RIT2: variants seen among roughly 807,000 people sequenced by gnomAD.
RIT2 encodes the protein Ras like without CAAX 2.
RIT2 carries 24 observed loss-of-function variants against 23.7 expected under a neutral mutation model. That is an observed-to-expected ratio of 1.01 (90% CI 0.73 to 1.43). The LOEUF is 1.43. Ranked by LOEUF, RIT2 falls within the 40% of genes most tolerant of loss-of-function variation. The pLI, the probability that RIT2 is intolerant of heterozygous loss-of-function variation, is 0.00. For synonymous variants in RIT2, 107 were observed against 91.1 expected (o/e 1.17, Z -0.99); for missense variants, 236 against 266.9 (o/e 0.88, Z 0.81).
chr18:42,816,982 G>A (rs186557145), intron 4 of RIT2, among the ~76,000 whole-genome samples: 1,603 of 152,190 alleles, frequency 0.011, 15 homozygotes, highest in South Asian at 0.018. Flanking sequence ...TAGGGTCTGA[G>A]AATCTGCATT....
At chr18:43,106,350 G>T (rs1404124461) in intron 1 of RIT2, among the ~76,000 whole-genome samples, 3 of 152,194 alleles carry the variant, frequency 2.0e-5, no homozygotes, top group Non-Finnish European at 2.9e-5. Flanking sequence ...CTGGTAAAGT[G>T]TCTAAGGACT....
intron 1 of RIT2, among the ~76,000 whole-genome samples, chr18:43,038,836 T>C (rs890051022): frequency 6.6e-6 from 1 of 152,176 alleles, no homozygotes; most frequent in Non-Finnish European, 1.5e-5. Flanking sequence ...TCTGTTTCTA[T>C]GCATTACATA....
intron 4 of RIT2, among the ~76,000 whole-genome samples, chr18:42,879,548 T>C (rs1907833967): frequency 6.6e-6 from 1 of 152,172 alleles, no homozygotes; most frequent in African/African-American, 2.4e-5. Context: ...TTTGTTTTTG[T>C]TTTCTCTTTC....
intron 2 of RIT2, 149 bp downstream of exon 2, chr18:43,033,662 T>C: frequency 1.7e-6 from 1 of 604,406 alleles, no homozygotes; most frequent in East Asian, 2.9e-5. Context: ...GCTTCTGTTG[T>C]GGTACGTTAC....
chr18:42,938,783 G>C (rs2144155171), intron 3 of RIT2, among the ~76,000 whole-genome samples: 1 of 152,170 alleles, frequency 6.6e-6, no homozygotes, highest in East Asian at 1.9e-4. Context: ...CTCTTGCCCA[G>C]GGTGGAGTAG....
chr18:42,922,067 AC>A (rs923968288), intron 4 of RIT2, among the ~76,000 whole-genome samples: 2 of 152,166 alleles, frequency 1.3e-5, no homozygotes, highest in African/African-American at 4.8e-5. Context: ...GAAGAGATGA[AC>A]AAATATTACA....
At chr18:43,022,793 C>T (rs1159919110) in intron 2 of RIT2, among the ~76,000 whole-genome samples, 2 of 151,946 alleles carry the variant, frequency 1.3e-5, no homozygotes, top group Non-Finnish European at 2.9e-5. Context: ...TAACATGAGT[C>T]AGAATATTGA....
At chr18:42,815,263 A>G (rs1425089646) in intron 4 of RIT2, among the ~76,000 whole-genome samples, 1 of 152,194 alleles carries the variant, frequency 6.6e-6, no homozygotes, top group Non-Finnish European at 1.5e-5. Flanking sequence ...AACAGATAGC[A>G]TCAATAAAGA....
chr18:42,808,015 C>T (rs911506375), intron 4 of RIT2, among the ~76,000 whole-genome samples: 3 of 152,168 alleles, frequency 2.0e-5, no homozygotes, highest in African/African-American at 4.8e-5. Flanking sequence ...CCCCGCAGAT[C>T]CTAATGAGCT....
chr18:43,035,885 T>C (rs1378370160), intron 1 of RIT2, among the ~76,000 whole-genome samples: 1 of 152,230 alleles, frequency 6.6e-6, no homozygotes, highest in Non-Finnish European at 1.5e-5. Flanking sequence ...AAATCTGTTC[T>C]TACCAATTTA....
At chr18:42,914,310 T>C (rs945539231) in intron 4 of RIT2, among the ~76,000 whole-genome samples, 1 of 152,092 alleles carries the variant, frequency 6.6e-6, no homozygotes, top group African/African-American at 2.4e-5. Flanking sequence ...TCTAGAGAAT[T>C]AAAAGCTTAT....
At chr18:43,014,317 T>G (rs1911420800) in intron 2 of RIT2, among the ~76,000 whole-genome samples, 1 of 151,698 alleles carries the variant, frequency 6.6e-6, no homozygotes, top group African/African-American at 2.4e-5. Flanking sequence ...AAATATAGTA[T>G]TGCTTAAGTG....
intron 2 of RIT2, among the ~76,000 whole-genome samples, chr18:43,011,575 A>T (rs936809646): frequency 6.6e-6 from 1 of 151,838 alleles, no homozygotes; most frequent in African/African-American, 2.4e-5. Flanking sequence ...TTATTAAAAG[A>T]GTAAGAGAAA....
intron 3 of RIT2, among the ~76,000 whole-genome samples, chr18:42,936,008 G>C (rs558098953): frequency 2.0e-5 from 3 of 151,732 alleles, no homozygotes; most frequent in African/African-American, 7.2e-5. Flanking sequence ...CCGAGATACA[G>C]TGCGAAAGGG....
intron 4 of RIT2, among the ~76,000 whole-genome samples, chr18:42,814,898 G>A (rs1415404446): frequency 6.6e-6 from 1 of 152,140 alleles, no homozygotes; most frequent in Non-Finnish European, 1.5e-5. Context: ...AGACGTGCTG[G>A]GTGGCTAGAT....
At chr18:43,026,678 CTT>C (rs77653227) in intron 2 of RIT2, among the ~76,000 whole-genome samples, 3 of 138,616 alleles carry the variant, frequency 2.2e-5, no homozygotes. Flanking sequence ...GTTTTTCTTT[CTT>C]TTTTTTTTTT....
intron 2 of RIT2, among the ~76,000 whole-genome samples, chr18:42,978,761 T>C (rs1910530051): frequency 6.6e-6 from 1 of 152,078 alleles, no homozygotes; most frequent in Admixed American, 6.6e-5. Context: ...TTCTCCACTG[T>C]CCCTCTTCAG....
chr18:42,949,482 T>C (rs1162447479), intron 3 of RIT2, among the ~76,000 whole-genome samples: 1 of 152,124 alleles, frequency 6.6e-6, no homozygotes, highest in Non-Finnish European at 1.5e-5. Flanking sequence ...ACAGGGGTGA[T>C]GCCAGTCTGT....
At chr18:42,821,153 C>A (rs910141561) in intron 4 of RIT2, among the ~76,000 whole-genome samples, 28 of 152,068 alleles carry the variant, frequency 1.8e-4, no homozygotes, top group African/African-American at 4.1e-4. Flanking sequence ...TAGTAAATTA[C>A]CCAGTCTCAG....
Sources: allele counts gnomAD v4.1 joint callset (sites outside exome capture counted in the v4.1 genomes callset), GRCh38; gene constraint gnomAD v4.1.1; transcripts MANE v1.5; gene names NCBI Gene and HGNC (gene_info 2026-07-23, HGNC 2026-07-21).